The following GPC5 variants were observed in gnomAD, a reference collection of about 807,000 sequenced individuals.
The protein encoded by GPC5 is glypican 5, also known as glypican-5.
A neutral mutation model predicts 53.9 loss-of-function variants in GPC5; 47 were observed. That is an observed-to-expected ratio of 0.87 (90% CI 0.69 to 1.11). GPC5 has a LOEUF of 1.11. Ranked by LOEUF, GPC5 falls within the 50% of genes most tolerant of loss-of-function variation. GPC5 has a pLI of 0.00. For missense variants in GPC5, 748 were observed against 713.1 expected, an observed-to-expected ratio of 1.05 and a Z score of -0.56; for synonymous variants, 286 against 263.3, an observed-to-expected ratio of 1.09 and a Z score of -0.84.
chr13:92,326,176 A>T (rs2043249399), intron 7 of GPC5, among the ~76,000 whole-genome samples: 1 of 152,118 alleles, frequency 6.6e-6, no homozygotes, highest in Non-Finnish European at 1.5e-5. Flanking sequence ...TGTTTATGAA[A>T]AGAAAATGAA....
intron 7 of GPC5, among the ~76,000 whole-genome samples, chr13:92,383,394 A>C (rs1353339531): frequency 2.0e-5 from 3 of 152,178 alleles, no homozygotes; most frequent in Non-Finnish European, 2.9e-5. Flanking sequence ...CCTCTAATAC[A>C]TTTGTCTTGT....
intron 6 of GPC5, among the ~76,000 whole-genome samples, chr13:92,027,931 A>T (rs2138801325): frequency 6.8e-6 from 1 of 147,292 alleles, no homozygotes; most frequent in South Asian, 2.3e-4. Context: ...TATGCAAAAT[A>T]TTTTTTCATC....
intron 7 of GPC5, among the ~76,000 whole-genome samples, chr13:92,628,611 A>G (rs1885133405): frequency 2.0e-5 from 3 of 151,960 alleles, no homozygotes; most frequent in African/African-American, 4.8e-5. Flanking sequence ...TGTCCCCAGC[A>G]TCACTGTGAC....
intron 7 of GPC5, among the ~76,000 whole-genome samples, chr13:92,176,653 G>A (rs933532241): frequency 6.6e-6 from 1 of 151,916 alleles, no homozygotes; most frequent in African/African-American, 2.4e-5. Context: ...CTCTCCATCT[G>A]ACCTCCAACC....
At chr13:91,466,055 T>G (rs999698583) in intron 2 of GPC5, among the ~76,000 whole-genome samples, 2 of 152,140 alleles carry the variant, frequency 1.3e-5, no homozygotes, top group Non-Finnish European at 2.9e-5. Context: ...TAAGGGTGTA[T>G]GTCCACTGCC....
intron 2 of GPC5, among the ~76,000 whole-genome samples, chr13:91,545,298 C>T (rs904511978): frequency 2.0e-5 from 3 of 152,116 alleles, no homozygotes; most frequent in African/African-American, 7.2e-5. Context: ...TTTTAAAATT[C>T]GTTATTGAGA....
chr13:92,559,087 C>A (rs1378669694), intron 7 of GPC5, among the ~76,000 whole-genome samples: 1 of 151,900 alleles, frequency 6.6e-6, no homozygotes, highest in Non-Finnish European at 1.5e-5. Context: ...CCAATGCCCA[C>A]CCTTGGTGCT....
intron 7 of GPC5, among the ~76,000 whole-genome samples, chr13:92,496,529 A>C: frequency 6.6e-6 from 1 of 152,172 alleles, no homozygotes; most frequent in African/African-American, 2.4e-5. Flanking sequence ...TATGAAAACA[A>C]ATAAATGCAA....
At chr13:91,650,884 G>T (rs1033617093) in intron 2 of GPC5, among the ~76,000 whole-genome samples, 1 of 151,218 alleles carries the variant, frequency 6.6e-6, no homozygotes, top group South Asian at 2.1e-4. Flanking sequence ...CACTTAAGTT[G>T]GTGCCTTCTA....
intron 7 of GPC5, among the ~76,000 whole-genome samples, chr13:92,197,393 T>TA (rs1875284146): frequency 1.3e-5 from 2 of 152,182 alleles, no homozygotes; most frequent in Non-Finnish European, 1.5e-5. Context: ...TCGCTGTAGG[T>TA]AGATCTAGAT....
In GPC5 at chr13:92,038,422, G is replaced by T. The variant is rs866762733; in HGVS notation, c.1402-106408G>T. On this transcript the variant is annotated intron_variant, in intron 6 of 7. Transcript: ENST00000377067. ...TCGATCCCTGTTTGGGTGGGGCATG[G>T]GATGTTCAACTCTGTATAGTATAGA... Among the ~76,000 whole-genome samples, 8 of 150,648 alleles carry T rather than the reference G, an allele frequency of 5.3e-5. No individual in the cohort carries two copies. In the South Asian group the frequency reaches 8.3e-4, roughly 16 times the overall value.
intron 7 of GPC5, among the ~76,000 whole-genome samples, chr13:92,491,960 T>C (rs1165782948): frequency 6.6e-6 from 1 of 152,154 alleles, no homozygotes. Flanking sequence ...AATCATTCTT[T>C]CTTCAGCTTC....
At chr13:91,966,283 G>A (rs1426445070) in intron 6 of GPC5, among the ~76,000 whole-genome samples, 2 of 152,074 alleles carry the variant, frequency 1.3e-5, no homozygotes, top group Non-Finnish European at 2.9e-5. Flanking sequence ...CATAGAAATA[G>A]GAATAAACTT....
intron 7 of GPC5, among the ~76,000 whole-genome samples, chr13:92,356,311 A>AC (rs2043522090): frequency 6.6e-6 from 1 of 152,170 alleles, no homozygotes; most frequent in African/African-American, 2.4e-5. Flanking sequence ...GGAAACCTAG[A>AC]CCAAGTGGGC....
At chr13:91,478,803 A>ATGTATG (rs1396153858) in intron 2 of GPC5, among the ~76,000 whole-genome samples, 1 of 110,616 alleles carries the variant, frequency 9.0e-6, no homozygotes, top group South Asian at 2.7e-4. Context: ...GTTTATATAT[A>ATGTATG]TATATATATA....
intron 7 of GPC5, among the ~76,000 whole-genome samples, chr13:92,705,734 T>A (rs1253695680): frequency 1.3e-5 from 2 of 152,126 alleles, no homozygotes; most frequent in Non-Finnish European, 2.9e-5. Context: ...AGTTATTTTT[T>A]AAACTTCTAT....
chr13:92,368,518 C>T (rs1032601506), intron 7 of GPC5, among the ~76,000 whole-genome samples: 3 of 150,690 alleles, frequency 2.0e-5, no homozygotes, highest in African/African-American at 4.9e-5. Context: ...GTGGCAGGCA[C>T]CTGTAATCCC....
chr13:92,114,242 A>G (rs1018434754), intron 6 of GPC5, among the ~76,000 whole-genome samples: 2 of 152,104 alleles, frequency 1.3e-5, no homozygotes, highest in African/African-American at 2.4e-5. Context: ...GCAGGGCCTC[A>G]TTTCCCACCC....
intron 5 of GPC5, among the ~76,000 whole-genome samples, chr13:91,841,702 G>A (rs909640840): frequency 5.3e-5 from 8 of 151,934 alleles, no homozygotes; most frequent in South Asian, 2.1e-4. Context: ...TGAAAAAAAA[G>A]GAAGAAAGGA....
Sources: allele counts gnomAD v4.1 joint callset (sites outside exome capture counted in the v4.1 genomes callset), GRCh38; gene constraint gnomAD v4.1.1; transcripts MANE v1.5; gene names NCBI Gene and HGNC (gene_info 2026-07-23, HGNC 2026-07-21).